Variants in LRRC14B observed in about 807,000 individuals in gnomAD.
LRRC14B encodes leucine-rich repeat-containing protein 14B.
Under a neutral mutation model 16.9 loss-of-function variants are expected in LRRC14B, and 23 were observed. The ratio of observed to expected loss-of-function variants is 1.36; its 90% CI spans 0.98 to 1.92. The LOEUF is 1.92. LRRC14B is among the 30% of genes most tolerant of loss of function. The pLI is 0.00. For missense variants in LRRC14B, 766 were observed against 705.7 expected, an observed-to-expected ratio of 1.09 and a Z score of -0.97; for synonymous variants, 358 against 332.5, an observed-to-expected ratio of 1.08 and a Z score of -0.83.
Position 192,074 on chromosome 5 carries a change from C to T in LRRC14B, c.536C>T (p.Ala179Val), listed in dbSNP as rs544611826. The part of the protein sequence containing the change: ...FEAVVQALRP[A>V]GPAPLRVHCP... ...GCGGTGGTGCAGGCTCTGAGGCCAG[C>T]GGGCCCGGCCCCTCTGCGGGTGCAC... is the stretch of plus-strand genomic sequence containing the variant. Residue 179 changes from alanine to valine, a missense_variant, in exon 1 of 2, where the codon GCG becomes GTG. Physicochemically the swap from Ala to Val is moderately conservative, Grantham distance 64. Coordinates refer to ENST00000328278, the MANE Select transcript of LRRC14B (RefSeq NM_001080478.3). 89 of 1,546,464 alleles carry T rather than the reference C, an allele frequency of 5.8e-5. No homozygotes were observed. The East Asian group carries it at 1.4e-3, about 25-fold the overall frequency.
In LRRC14B at chr5:191,640, C is replaced by T. The variant is rs931476411; in HGVS notation, c.102C>T (p.Tyr34=). The change falls in exon 1 of 2, where the codon TAC becomes TAT. Residue 34 remains tyrosine, a synonymous_variant. Coordinates refer to ENST00000328278, the MANE Select transcript of LRRC14B (RefSeq NM_001080478.3). ...QSLDSVAHNL[Y]PLLFKASYLL... The stretch of plus-strand genomic sequence containing the variant: ...TGGACAGCGTGGCCCACAACCTCTA[C>T]CCACTCCTGTTCAAAGCCAGCTACC... The T allele has an allele frequency of 6.2e-7, 1 of 1,609,950 alleles. No individual in the cohort carries two copies. Among genetic ancestry groups the T allele is most frequent in the Non-Finnish European group, 8.5e-7 (1 of 1,178,578 alleles).
In LRRC14B at chr5:193,388, T is replaced by C. The variant is rs566037512; in HGVS notation, c.899+951T>C. ...TACTGGGGAAGCACCTAGAGGTGGG[T>C]CCTCAGGTGCTGGGGGGTGCCTGGC... On this transcript the variant is annotated intron_variant, in intron 1 of 1. Transcript: ENST00000328278. Among the ~76,000 whole-genome samples, 112 of 113,276 alleles carry C rather than the reference T, an allele frequency of 9.9e-4. 1 individual carries two copies. In the East Asian group the frequency reaches 0.021, roughly 21 times the overall value. The allele number at this position is 113,276 out of a possible 152,430, so 74.3% of individuals were successfully genotyped here.
chr5:195,477 T>G lies in LRRC14B; in HGVS notation c.*124T>G. Reference sequence around the variant, plus strand: ...CCACCACCACCACCAAAAGCAGTTCTTAGTGAAAATTGTAGGCGAGCCTGT... The same window carrying G: ...CCACCACCACCACCAAAAGCAGTTCGTAGTGAAAATTGTAGGCGAGCCTGT... On this transcript the variant is annotated 3_prime_UTR_variant, in exon 2 of 2. Coordinates refer to ENST00000328278, the MANE Select transcript of LRRC14B (RefSeq NM_001080478.3). 1 of 943,220 alleles carries G rather than the reference T, an allele frequency of 1.1e-6. No homozygotes were observed. The highest frequency in any genetic ancestry group is 1.6e-6 in the Non-Finnish European group (1 of 642,696). 58.4% of individuals were successfully genotyped at this position (943,220 alleles called of 1,614,324 possible).
In LRRC14B at chr5:194,790, G is replaced by A; in HGVS notation, c.982G>A (p.Ala328Thr). 6.2e-7 allele frequency: 1 copy of A among 1,611,326 alleles called. No homozygotes were observed. The highest frequency in any genetic ancestry group is 1.1e-5 in the South Asian group (1 of 90,514). ...GGACATGGCCTTCTTGGCAGACTGT[G>A]CCCACGCTGCCCACCTGGAGGTGCT... Reference protein sequence around the residue: ...HTDMAFLADCAHAAHLEVLDL... With the variant: ...HTDMAFLADCTHAAHLEVLDL... Residue 328 changes from alanine to threonine, a missense_variant, in exon 2 of 2, where the codon GCC (alanine) becomes ACC (threonine). Physicochemically the swap from Ala to Thr is moderately conservative, Grantham distance 58. Coordinates refer to ENST00000328278, the MANE Select transcript of LRRC14B (RefSeq NM_001080478.3).
Position 195,164 on chromosome 5 carries a change from C to T in LRRC14B, c.1356C>T (p.Asp452=), listed in dbSNP as rs369879424. The change falls in exon 2 of 2, where the codon GAC becomes GAT. Residue 452 remains aspartate, a synonymous_variant. Coordinates refer to ENST00000328278, the MANE Select transcript of LRRC14B (RefSeq NM_001080478.3). The part of the protein sequence containing the change: ...AMSKFNQQKY[D]EIAEELRAVL... Reference sequence around the variant, plus strand: ...CCAAGTTCAACCAGCAGAAATACGACGAGATCGCCGAGGAGCTGCGTGCCG... The same window carrying T: ...CCAAGTTCAACCAGCAGAAATACGATGAGATCGCCGAGGAGCTGCGTGCCG... 2.3e-5 allele frequency: 37 copies of T among 1,613,906 alleles called. No individual in the cohort carries two copies. Among genetic ancestry groups the T allele is most frequent in the African/African-American group, 2.0e-4 (15 of 75,052 alleles).
In LRRC14B at chr5:195,359, C is replaced by T. The variant is rs763622347; in HGVS notation, c.*6C>T. ...CACTCAAACAAATAGAGTAGTTCCT[C>T]CACTCGCACCAGTGACAGGTCTTGC... On this transcript the variant is annotated 3_prime_UTR_variant, in exon 2 of 2. Coordinates refer to ENST00000328278, the MANE Select transcript of LRRC14B (RefSeq NM_001080478.3). The T allele has an allele frequency of 6.3e-7, 1 of 1,596,326 alleles. No homozygotes were observed. Among genetic ancestry groups the T allele is most frequent in the Admixed American group, 1.7e-5 (1 of 59,742 alleles).
At chr5:192,992 C>T (rs185533326) in intron 1 of LRRC14B, among the ~76,000 whole-genome samples, 3 of 152,196 alleles carry the variant, frequency 2.0e-5, no homozygotes, top group East Asian at 1.9e-4. Flanking sequence ...AGCAGATCTG[C>T]GTGAAGGAGG....
At chr5:192,458 T>C in intron 1 of LRRC14B, 21 bp downstream of exon 1, 1 of 1,494,222 alleles carries the variant, frequency 6.7e-7, no homozygotes, top group Non-Finnish European at 8.9e-7. Flanking sequence ...GGGAGGGGAC[T>C]GAGGGCGGGC....
At position 191,785 on chromosome 5, in the gene LRRC14B, T is replaced by A. The variant is rs768712377; in HGVS notation, c.247T>A (p.Cys83Ser). Residue 83 changes from cysteine (C) to serine (S), a missense_variant, in exon 1 of 2, where the codon TGC becomes AGC. Physicochemically the swap from Cys to Ser is moderately radical, Grantham distance 112. Transcript: ENST00000328278. ...CCCCCAGGACCTGCGCGACAGAACCTGCAGGGCCTGCCTGGAGGCGCTGGT... is the reference window on the plus strand; with the variant it reads ...CCCCCAGGACCTGCGCGACAGAACCAGCAGGGCCTGCCTGGAGGCGCTGGT... Reference protein sequence around the residue: ...DHPQDLRDRTCRACLEALVRG... With the variant: ...DHPQDLRDRTSRACLEALVRG... The A allele has an allele frequency of 6.5e-7, 1 of 1,538,404 alleles. No individual in the cohort carries two copies. The highest frequency in any genetic ancestry group is 1.2e-5 in the South Asian group (1 of 83,852).
chr5:195,494 C>T lies in LRRC14B; in HGVS notation c.*141C>T, dbSNP rs1458163234. On this transcript the variant is annotated 3_prime_UTR_variant, in exon 2 of 2. Transcript: ENST00000328278. ...AGCAGTTCTTAGTGAAAATTGTAGG[C>T]GAGCCTGTTAAGCGTTGTAGAAGAG... 44 of 860,448 alleles carry T rather than the reference C, an allele frequency of 5.1e-5. No individual in the cohort carries two copies. The highest frequency in any genetic ancestry group is 2.4e-4 in the East Asian group (9 of 37,756). The allele number at this position is 860,448 out of a possible 1,614,324, so 53.3% of individuals were successfully genotyped here.
At position 195,391 on chromosome 5, in the gene LRRC14B, G is replaced by A; in HGVS notation, c.*38G>A. The A allele has an allele frequency of 6.4e-7, 1 of 1,566,662 alleles. No individual in the cohort carries two copies. Among genetic ancestry groups the A allele is most frequent in the Non-Finnish European group, 8.6e-7 (1 of 1,160,216 alleles). ...CACCAGTGACAGGTCTTGCATTTCA[G>A]CCTGCAGGTGCCCCGGGCTTTAGTC... On this transcript the variant is annotated 3_prime_UTR_variant, in exon 2 of 2. Transcript: ENST00000328278.
chr5:193,228 C>T lies in LRRC14B; in HGVS notation c.899+791C>T, dbSNP rs542910970. ...GTGGTGGGTCCTGAAGGAGGGGCAG[C>T]TGGCGGTGGGTATTGGGGTCACCGG... On this transcript the variant is annotated intron_variant, in intron 1 of 1. Coordinates refer to ENST00000328278, the MANE Select transcript of LRRC14B (RefSeq NM_001080478.3). Among the ~76,000 whole-genome samples, 32 of 142,904 alleles carry T rather than the reference C, an allele frequency of 2.2e-4. No individual in the cohort carries two copies. In the East Asian group the frequency reaches 6.6e-3, roughly 29 times the overall value. The allele number at this position is 142,904 out of a possible 152,430, so 93.8% of individuals were successfully genotyped here. A position where few individuals can be genotyped will look rare whatever the true frequency, so the allele number is the denominator to read the frequency against.
chr5:191,705 G>T lies in LRRC14B; in HGVS notation c.167G>T (p.Arg56Leu). ...GAGGTGACGCGCGCGGTGCTGGGGCGCTGGCCCCTGGAGGAGTTCCGGCTG... is the reference window on the plus strand; with the variant it reads ...GAGGTGACGCGCGCGGTGCTGGGGCTCTGGCCCCTGGAGGAGTTCCGGCTG... ...QAEVTRAVLGRWPLEEFRLGA... is the reference protein window; with the variant it reads ...QAEVTRAVLGLWPLEEFRLGA... The change falls in exon 1 of 2, where the codon CGC becomes CTC. Residue 56 changes from arginine (R) to leucine (L), a missense_variant. Transcript: ENST00000328278. 6.3e-7 allele frequency: 1 copy of T among 1,588,788 alleles called. No homozygotes were observed.
At position 192,238 on chromosome 5, in the gene LRRC14B, G is replaced by A. The variant is rs1331657802; in HGVS notation, c.700G>A (p.Ala234Thr). The change falls in exon 1 of 2, where the codon GCC becomes ACC. Residue 234 changes from alanine to threonine, a missense_variant. Transcript: ENST00000328278. ...TGCGGGCCACGTGCAGCAGCTTCTG[G>A]CCCAGGTGGGCTTCCCCCGGCTGGC... Reference protein sequence around the residue: ...LHAGHVQQLLAQVGFPRLASL... With the variant: ...LHAGHVQQLLTQVGFPRLASL... 1 of 1,594,038 alleles carries A rather than the reference G, an allele frequency of 6.3e-7. No homozygotes were observed. Among genetic ancestry groups the A allele is most frequent in the East Asian group, 2.3e-5 (1 of 43,568 alleles).
In LRRC14B at chr5:195,766, A is replaced by G; in HGVS notation, c.*413A>G. The G allele has an allele frequency of 4.8e-6, 1 of 208,318 alleles. No individual in the cohort carries two copies. Among genetic ancestry groups the G allele is most frequent in the Non-Finnish European group, 9.7e-6 (1 of 102,916 alleles). The allele number at this position is 208,318 out of a possible 1,614,324, so 12.9% of individuals were successfully genotyped here. A position where few individuals can be genotyped will look rare whatever the true frequency, so the allele number is the denominator to read the frequency against. On this transcript the variant is annotated 3_prime_UTR_variant, in exon 2 of 2. Transcript: ENST00000328278. ...GCTCCACAGCAGGGAGGGGGAGGGG[A>G]AGAGAGAACACATCACAGAAACTGC...
In LRRC14B at chr5:192,448, G is replaced by T; in HGVS notation, c.899+11G>T. The T allele has an allele frequency of 6.6e-7, 1 of 1,509,354 alleles. No individual in the cohort carries two copies. The highest frequency in any genetic ancestry group is 2.3e-5 in the East Asian group (1 of 42,836). 93.5% of individuals were successfully genotyped at this position (1,509,354 alleles called of 1,614,324 possible). A position where few individuals can be genotyped will look rare whatever the true frequency, so the allele number is the denominator to read the frequency against. ...CCCGACGCTGCTTGGGTGAGTCTTG[G>T]GGAGGGGACTGAGGGCGGGCTGGTG... On this transcript the variant is annotated intron_variant, in intron 1 of 1. Transcript: ENST00000328278.
Position 195,051 on chromosome 5 carries a change from C to CTCCCCGAGCTGCGCTGCATTGAGT in LRRC14B, c.1248_1271dup (p.Glu417_Pro424dup). On this transcript the variant is annotated inframe_insertion, in exon 2 of 2. Transcript: ENST00000328278. ...GCGCCTCTTCACCGCACTCTGTGAG[C>CTCCCCGAGCTGCGCTGCATTGAGT]TCCCCGAGCTGCGCTGCATTGAGTT... 6.2e-7 allele frequency: 1 copy of CTCCCCGAGCTGCGCTGCATTGAGT among 1,613,528 alleles called. No individual in the cohort carries two copies. Among genetic ancestry groups the CTCCCCGAGCTGCGCTGCATTGAGT allele is most frequent in the South Asian group, 1.1e-5 (1 of 91,084 alleles).
Position 194,699 on chromosome 5 carries a change from G to A in LRRC14B, c.900-9G>A. On this transcript the variant is annotated splice_polypyrimidine_tract_variant and intron_variant, in intron 1 of 1. Coordinates refer to ENST00000328278, the MANE Select transcript of LRRC14B (RefSeq NM_001080478.3). ...CTCTCACCTGTGCTCTTTCCCCCGTGTCCTGCAGCCCCCTACAGACCCCGC... is the reference window on the plus strand; with the variant it reads ...CTCTCACCTGTGCTCTTTCCCCCGTATCCTGCAGCCCCCTACAGACCCCGC... The A allele has an allele frequency of 1.3e-6, 2 of 1,589,552 alleles. No homozygotes were observed. Among genetic ancestry groups the A allele is most frequent in the Non-Finnish European group, 1.7e-6 (2 of 1,166,892 alleles).
At position 191,852 on chromosome 5, in the gene LRRC14B, G is replaced by A. The variant is rs893894393; in HGVS notation, c.314G>A (p.Arg105Gln). 7.9e-6 allele frequency: 12 copies of A among 1,524,676 alleles called. No individual in the cohort carries two copies. The highest frequency in any genetic ancestry group is 9.6e-6 in the Non-Finnish European group (11 of 1,142,056). 94.4% of individuals were successfully genotyped at this position (1,524,676 alleles called of 1,614,324 possible). A position where few individuals can be genotyped will look rare whatever the true frequency, so the allele number is the denominator to read the frequency against. ...CACGTGCTGCAGGACCGGAGCCGCC[G>A]GCGGCTGCGGGTGGCTGACCTCACG... is the stretch of plus-strand genomic sequence containing the variant. ...ADHVLQDRSR[R>Q]RLRVADLTGI... Residue 105 changes from arginine to glutamine, a missense_variant, in exon 1 of 2, where the codon CGG (arginine) becomes CAG (glutamine). Arg to Gln is a conservative substitution (Grantham distance 43, BLOSUM62 1). Transcript: ENST00000328278.
Sources: allele counts gnomAD v4.1 joint callset (sites outside exome capture counted in the v4.1 genomes callset), GRCh38; gene constraint gnomAD v4.1.1; transcripts MANE v1.5; gene names NCBI Gene and HGNC (gene_info 2026-07-23, HGNC 2026-07-21).